BCKDHB: variants seen among roughly 807,000 people sequenced by gnomAD.
BCKDHB encodes branched chain keto acid dehydrogenase E1 subunit beta, also known as 2-oxoisovalerate dehydrogenase subunit beta, mitochondrial.
In BCKDHB, 41 loss-of-function variants were observed where a neutral mutation model predicts 48.5. The ratio of observed to expected loss-of-function variants is 0.85; its 90% CI spans 0.66 to 1.10. BCKDHB has a LOEUF of 1.10. BCKDHB is among the 50% of genes least tolerant of loss of function. BCKDHB has a pLI of 0.00. For synonymous variants in BCKDHB, 201 were observed against 174.8 expected (o/e 1.15, Z -1.18); for missense variants, 496 against 494.2 (o/e 1.00, Z -0.03).
the BCKDHB span, among the ~76,000 whole-genome samples, chr6:80,461,031 A>T: frequency 9.2e-5 from 14 of 152,284 alleles, no homozygotes; most frequent in African/African-American, 2.6e-4. Context: ...AGAATTAAAC[A>T]CTAAACGCAT....
chr6:80,143,355 A>G (rs1345781154), intron 3 of BCKDHB, among the ~76,000 whole-genome samples: 3 of 152,146 alleles, frequency 2.0e-5, no homozygotes, highest in African/African-American at 7.2e-5. Context: ...CTGTCTTGGA[A>G]ATCCACTGTT....
At chr6:80,190,883 G>A (rs1369052428) in intron 6 of BCKDHB, among the ~76,000 whole-genome samples, 1 of 152,164 alleles carries the variant, frequency 6.6e-6, no homozygotes, top group Non-Finnish European at 1.5e-5. Flanking sequence ...AGGCACCTTT[G>A]GTAGTGGCAG....
intron 8 of BCKDHB, among the ~76,000 whole-genome samples, chr6:80,257,362 T>C (rs958746714): frequency 2.0e-5 from 3 of 150,284 alleles, no homozygotes; most frequent in African/African-American, 4.9e-5. Flanking sequence ...CACACACTTA[T>C]ATTGTGTATG....
chr6:80,144,542 G>T (rs1272399403), intron 3 of BCKDHB, among the ~76,000 whole-genome samples: 2 of 152,104 alleles, frequency 1.3e-5, no homozygotes, highest in Non-Finnish European at 2.9e-5. Context: ...AGGGGAACCT[G>T]GATCTTGGGA....
intron 8 of BCKDHB, among the ~76,000 whole-genome samples, chr6:80,209,786 T>A (rs1011698249): frequency 3.3e-5 from 5 of 152,012 alleles, no homozygotes; most frequent in Admixed American, 2.6e-4. Flanking sequence ...AAAAAAGGGC[T>A]GATAACATTG....
chr6:80,140,531 C>T (rs1213986630), intron 3 of BCKDHB, among the ~76,000 whole-genome samples: 1 of 152,084 alleles, frequency 6.6e-6, no homozygotes, highest in Non-Finnish European at 1.5e-5. Context: ...TGAATTTTGT[C>T]AAAGGCCTTT....
At chr6:80,218,773 G>A (rs1391910540) in intron 8 of BCKDHB, among the ~76,000 whole-genome samples, 1 of 151,634 alleles carries the variant, frequency 6.6e-6, no homozygotes, top group Non-Finnish European at 1.5e-5. Context: ...CCCATTTTCT[G>A]TCAGCTGATT....
At chr6:80,364,187 T>C in the BCKDHB span, among the ~76,000 whole-genome samples, 1 of 152,230 alleles carries the variant, frequency 6.6e-6, no homozygotes, top group African/African-American at 2.4e-5. Context: ...ATCACTTACA[T>C]ATTTTTATTT....
intron 9 of BCKDHB, among the ~76,000 whole-genome samples, chr6:80,305,425 CTTAA>C (rs1278650028): frequency 2.0e-5 from 3 of 149,000 alleles, no homozygotes; most frequent in Middle Eastern, 3.2e-3. Flanking sequence ...AAAATTATGA[CTTAA>C]TTAAAAAAAA....
At chr6:80,366,427 C>T in the BCKDHB span, among the ~76,000 whole-genome samples, 2 of 152,070 alleles carry the variant, frequency 1.3e-5, no homozygotes, top group Admixed American at 6.5e-5. Context: ...TAGACATAGT[C>T]AGCAACATTT....
chr6:80,139,059 G>A (rs1032674041), intron 3 of BCKDHB, among the ~76,000 whole-genome samples: 4 of 152,154 alleles, frequency 2.6e-5, no homozygotes, highest in Non-Finnish European at 4.4e-5. Context: ...GCCGGTGATG[G>A]TGAGCATTTT....
chr6:80,271,094 A>T (rs950756467), intron 8 of BCKDHB, among the ~76,000 whole-genome samples: 1 of 152,246 alleles, frequency 6.6e-6, no homozygotes, highest in East Asian at 1.9e-4. Flanking sequence ...TTTTGGAGTG[A>T]AAGTTTCTGG....
intron 8 of BCKDHB, among the ~76,000 whole-genome samples, chr6:80,221,321 C>T (rs569594403): frequency 2.0e-5 from 3 of 152,172 alleles, no homozygotes; most frequent in South Asian, 2.1e-4. Flanking sequence ...TACCCCTTCC[C>T]GACTTTGTTG....
chr6:80,322,735 A>G (rs2085329742), intron 9 of BCKDHB, among the ~76,000 whole-genome samples: 1 of 152,106 alleles, frequency 6.6e-6, no homozygotes. Flanking sequence ...TAATTCCTCC[A>G]TCGTCACCAA....
chr6:80,379,439 A>G, the BCKDHB span, among the ~76,000 whole-genome samples: 1 of 152,186 alleles, frequency 6.6e-6, no homozygotes, highest in Non-Finnish European at 1.5e-5. Context: ...CATAAATGGA[A>G]CATATCTCAA....
At chr6:80,182,507 A>C (rs557599001) in intron 6 of BCKDHB, among the ~76,000 whole-genome samples, 1 of 152,308 alleles carries the variant, frequency 6.6e-6, no homozygotes, top group East Asian at 1.9e-4. Context: ...TTGTTCCTGA[A>C]TAAAATTTTA....
At chr6:80,296,556 A>G (rs1767260505) in intron 9 of BCKDHB, among the ~76,000 whole-genome samples, 1 of 152,214 alleles carries the variant, frequency 6.6e-6, no homozygotes, top group Admixed American at 6.5e-5. Context: ...TATTATTGAT[A>G]AACCAAATTT....
intron 8 of BCKDHB, among the ~76,000 whole-genome samples, chr6:80,208,981 A>G (rs894603543): frequency 2.0e-5 from 3 of 151,930 alleles, no homozygotes; most frequent in Non-Finnish European, 2.9e-5. Context: ...AGCTTTTAAA[A>G]TAAATGTAGA....
chr6:80,129,171 T>C lies in BCKDHB; in HGVS notation c.285T>C (p.Gly95=), dbSNP rs2127727865. ...LAKDPTAVIF[G]EDVAFGGVFR... is the part of the protein sequence containing the mutation. ...AATACTGTTTTTCAGTAATATTTGG[T>C]GAAGATGTTGCCTTTGGTGGAGTCT... Residue 95 remains glycine (G), a synonymous_variant, in exon 3 of 10, where the codon GGT becomes GGC. Transcript: ENST00000320393. 2 of 1,608,406 alleles carry C rather than the reference T, an allele frequency of 1.2e-6. No individual in the cohort carries two copies. The highest frequency in any genetic ancestry group is 1.7e-6 in the Non-Finnish European group (2 of 1,176,128).
Sources: gnomAD v4.1 joint callset for allele counts (sites outside exome capture counted in the v4.1 genomes callset) on GRCh38, gnomAD v4.1.1 for gene constraint, MANE v1.5 for transcripts, NCBI Gene and HGNC (gene_info 2026-07-23, HGNC 2026-07-21) for gene names.